The following LRCH1 variants were observed in gnomAD, a reference collection of about 807,000 sequenced individuals.
LRCH1 encodes the protein leucine-rich repeat and calponin homology domain-containing protein 1.
A neutral mutation model predicts 94.9 loss-of-function variants in LRCH1; 23 were observed. The observed-to-expected ratio is 0.24, with a 90% CI of 0.17 to 0.34. The LOEUF (loss-of-function observed/expected upper bound fraction) is 0.34, where lower values mean the gene tolerates loss of function less well. LRCH1 is among the 10% of genes least tolerant of loss of function. The probability of loss-of-function intolerance (pLI) is 1.00; values close to 1 mark genes in which losing one functional copy is unlikely to be tolerated. For missense variants in LRCH1, 790 were observed against 945.9 expected (o/e 0.84, Z 2.16); for synonymous variants, 364 against 354.9 (o/e 1.03, Z -0.29).
intron 1 of LRCH1, among the ~76,000 whole-genome samples, chr13:46,648,406 C>T (rs1429743456): frequency 6.6e-6 from 1 of 152,200 alleles, no homozygotes; most frequent in African/African-American, 2.4e-5. Flanking sequence ...ATATGTATGT[C>T]TCTTGACCCA....
At chr13:46,660,526 T>C (rs2051434646) in intron 2 of LRCH1, among the ~76,000 whole-genome samples, 1 of 152,170 alleles carries the variant, frequency 6.6e-6, no homozygotes, top group African/African-American at 2.4e-5. Context: ...ACACATTTTG[T>C]ATTTTCTCTG....
At position 46,572,735 on chromosome 13, in the gene LRCH1, T is replaced by C. The variant is rs544806350; in HGVS notation, c.307+19032T>C. 4.1e-3 allele frequency among the ~76,000 whole-genome samples: 623 copies of C among 152,294 alleles called. 5 individuals carry two copies. Among genetic ancestry groups the C allele is most frequent in the South Asian group, 0.034 (162 of 4,824 alleles). On this transcript the variant is annotated intron_variant, in intron 1 of 19. Coordinates refer to ENST00000389797, the MANE Select transcript of LRCH1 (RefSeq NM_001164211.2). ...TTTAAAAAGCTTTTTTTAAGTTCTA[T>C]ATTCACAGCCACATTTCGTAAACTT... is the stretch of plus-strand genomic sequence containing the variant.
At position 46,743,981 on chromosome 13, in the gene LRCH1, T is replaced by C. The variant is rs1593391528; in HGVS notation, c.*2133T>C. On this transcript the variant is annotated 3_prime_UTR_variant, in exon 20 of 20. Coordinates refer to ENST00000389797, the MANE Select transcript of LRCH1 (RefSeq NM_001164211.2). ...GCTGCGCTGCACTTCTTGGGATTTA[T>C]TGGATGATGTTTTTTCATTAGTAGT... 1 of 985,340 alleles carries C rather than the reference T, an allele frequency of 1.0e-6. No individual in the cohort carries two copies. Among genetic ancestry groups the C allele is most frequent in the East Asian group, 1.1e-4 (1 of 8,834 alleles). The allele number at this position is 985,340 out of a possible 1,614,324, so 61.0% of individuals were successfully genotyped here.
chr13:46,699,547 C>T (rs1171020029), intron 10 of LRCH1, 144 bp downstream of exon 10: 8 of 705,070 alleles, frequency 1.1e-5, no homozygotes, highest in Non-Finnish European at 2.0e-5. Flanking sequence ...AAGAAGTTGC[C>T]AGTTTTTCTC....
chr13:46,665,906 A>G (rs9526215), intron 2 of LRCH1, among the ~76,000 whole-genome samples: 4,499 of 152,256 alleles, frequency 0.03, 81 homozygotes, highest in South Asian at 0.059. Context: ...TAGTGGGTAG[A>G]GGATTAAAGG....
At chr13:46,660,205 A>G (rs2051429556) in intron 2 of LRCH1, among the ~76,000 whole-genome samples, 1 of 151,544 alleles carries the variant, frequency 6.6e-6, no homozygotes, top group Non-Finnish European at 1.5e-5. Context: ...TAGTAGAGAC[A>G]GGGTTTCACT....
chr13:46,634,162 G>A (rs1334004274), intron 1 of LRCH1, among the ~76,000 whole-genome samples: 1 of 152,184 alleles, frequency 6.6e-6, no homozygotes, highest in Non-Finnish European at 1.5e-5. Context: ...ACAGGCGTGA[G>A]CCACCGCGCC....
At chr13:46,597,907 C>T (rs1258288056) in intron 1 of LRCH1, among the ~76,000 whole-genome samples, 2 of 152,034 alleles carry the variant, frequency 1.3e-5, no homozygotes, top group Non-Finnish European at 2.9e-5. Context: ...CTGTGTTTCC[C>T]CCAGAAGCTA....
exon 19 of LRCH1, chr13:46,751,169 T>C (rs1248886869): frequency 6.6e-6 from 1 of 152,148 alleles, no homozygotes; most frequent in African/African-American, 2.4e-5. Context: ...TATTCATCCT[T>C]TGGATGCAAA....
chr13:46,746,925 C>A (rs536912237), downstream of LRCH1, among the ~76,000 whole-genome samples: 2 of 152,306 alleles, frequency 1.3e-5, no homozygotes, highest in Non-Finnish European at 2.9e-5. Flanking sequence ...TTCCAACCAG[C>A]ACCTCAAGGT....
intron 17 of LRCH1, among the ~76,000 whole-genome samples, chr13:46,725,759 T>C (rs541624940): frequency 2.6e-4 from 40 of 152,350 alleles, no homozygotes; most frequent in Admixed American, 2.0e-3. Context: ...ACTGTGGTGA[T>C]TGAGCAAACA....
intron 13 of LRCH1, among the ~76,000 whole-genome samples, chr13:46,710,993 C>T (rs1872032386): frequency 2.0e-5 from 3 of 152,084 alleles, no homozygotes; most frequent in South Asian, 2.1e-4. Context: ...GACCATCTGG[C>T]CACTCTCATG....
At chr13:46,657,389 G>GTTT (rs1380577039) in intron 2 of LRCH1, among the ~76,000 whole-genome samples, 2 of 1,816 alleles carry the variant, frequency 1.1e-3, no homozygotes, top group Non-Finnish European at 2.0e-3. Context: ...GAAAAAGAGA[G>GTTT]ATTTTTTTTT....
At chr13:46,737,472 T>C (rs1272644125) in intron 19 of LRCH1, among the ~76,000 whole-genome samples, 1 of 152,208 alleles carries the variant, frequency 6.6e-6, no homozygotes, top group African/African-American at 2.4e-5. Context: ...GATTCATAAA[T>C]GCAGCATTTT....
At chr13:46,633,810 A>G (rs982421521) in intron 1 of LRCH1, among the ~76,000 whole-genome samples, 1 of 151,850 alleles carries the variant, frequency 6.6e-6, no homozygotes, top group African/African-American at 2.4e-5. Flanking sequence ...AAGTCAAGGC[A>G]TGAATATCTA....
intron 2 of LRCH1, among the ~76,000 whole-genome samples, chr13:46,668,050 A>G (rs1230689872): frequency 6.6e-6 from 1 of 152,196 alleles, no homozygotes; most frequent in East Asian, 1.9e-4. Context: ...AGATTTTTAG[A>G]TATTTCACTC....
chr13:46,560,157 T>C (rs1417691837), intron 1 of LRCH1, among the ~76,000 whole-genome samples: 4 of 60,818 alleles, frequency 6.6e-5, no homozygotes, highest in East Asian at 1.4e-3. Flanking sequence ...ATAGACTTTT[T>C]ATATTTCAGC....
intron 1 of LRCH1, among the ~76,000 whole-genome samples, chr13:46,627,799 C>A (rs2050968653): frequency 6.6e-6 from 1 of 152,256 alleles, no homozygotes; most frequent in African/African-American, 2.4e-5. Context: ...TTAAGCTTTT[C>A]TTTTTATTTA....
At chr13:46,607,424 G>A (rs918837334) in intron 1 of LRCH1, among the ~76,000 whole-genome samples, 1 of 152,042 alleles carries the variant, frequency 6.6e-6, no homozygotes, top group Non-Finnish European at 1.5e-5. Context: ...TTTTTATTTT[G>A]TTTTGGTGCT....
Sources: gnomAD v4.1 joint callset for allele counts (sites outside exome capture counted in the v4.1 genomes callset) on GRCh38, gnomAD v4.1.1 for gene constraint, MANE v1.5 for transcripts, NCBI Gene and HGNC (gene_info 2026-07-23, HGNC 2026-07-21) for gene names.